GDPD2: variants seen among roughly 807,000 people sequenced by gnomAD.
The protein encoded by GDPD2 is glycerophosphodiester phosphodiesterase 3.
A neutral mutation model predicts 49.2 loss-of-function variants in GDPD2; 23 were observed. That is an observed-to-expected ratio of 0.47 (90% CI 0.34 to 0.66). The LOEUF (loss-of-function observed/expected upper bound fraction) is 0.66. Among genes scored for constraint, GDPD2 ranks in the 30% least tolerant of loss-of-function variants. GDPD2 has a pLI of 0.01. For missense variants in GDPD2, 338 were observed against 424.7 expected (o/e 0.80, Z 1.79); for synonymous variants, 167 against 171.4 (o/e 0.97, Z 0.20).
chrX:70,425,635 G>T, intron 3 of GDPD2, 128 bp from the exon 4 acceptor site: 1 of 552,244 alleles, frequency 1.8e-6, no homozygotes, highest in Non-Finnish European at 3.2e-6. Flanking sequence ...AATCCTTGGA[G>T]CCCCTGGCCA....
Position 70,426,919 on chromosome X carries a change from T to C in GDPD2, c.610T>C (p.Leu204=), listed in dbSNP as rs766556384. 6 of 1,207,963 alleles carry C rather than the reference T, an allele frequency of 5.0e-6. No individual in the cohort carries two copies. The highest frequency in any genetic ancestry group is 6.7e-6 in the Non-Finnish European group (6 of 892,071). The change falls in exon 8 of 16, where the codon TTG becomes CTG. Residue 204 remains leucine, a synonymous_variant. Coordinates refer to ENST00000374382, the MANE Select transcript of GDPD2 (RefSeq NM_017711.4). The part of the protein sequence containing the change: ...LFFGVVLVIY[L]APLCISSPCI... ...TTTTGGAGTTGTCCTGGTCATCTAC[T>C]TGGCCCCCCTATGCATCTCCTCACC...
chrX:70,425,243 C>A (rs1469481355), intron 2 of GDPD2, 111 bp from the exon 3 acceptor site: 1 of 671,034 alleles, frequency 1.5e-6, no homozygotes, highest in Non-Finnish European at 2.4e-6. Context: ...AGCTGCCCCC[C>A]GAGCAGAGCA....
rs1026885137 is a variant in GDPD2 at position 70,433,158 on chromosome X, G to A, written c.*72G>A. The A allele has an allele frequency of 1.2e-6, 1 of 857,846 alleles. No homozygotes were observed. The highest frequency in any genetic ancestry group is 1.7e-6 in the Non-Finnish European group (1 of 584,759). 70.7% of individuals were successfully genotyped at this position (857,846 alleles called of 1,213,427 possible). On this transcript the variant is annotated 3_prime_UTR_variant, in exon 16 of 16. Transcript: ENST00000374382. ...CAGCAAGGGTTGGAGAGTGGCTTAA[G>A]TGGAATGCTTCAGGGGTGGTGGGTT...
chrX:70,426,333 A>C, intron 5 of GDPD2, 38 bp from the exon 6 acceptor site: 1 of 1,150,578 alleles, frequency 8.7e-7, no homozygotes, highest in Non-Finnish European at 1.2e-6. Context: ...CATGAGCCCA[A>C]ATTGACCAAG....
intron 12 of GDPD2, chrX:70,431,082 C>A (rs1366568256): frequency 6.2e-6 from 7 of 1,134,332 alleles, no homozygotes; most frequent in African/African-American, 3.6e-5. Flanking sequence ...GCCACTGCCC[C>A]CCTCAGCCTC....
intron 12 of GDPD2, among the ~76,000 whole-genome samples, chrX:70,432,076 C>T (rs1276680023): frequency 8.9e-6 from 1 of 111,838 alleles, no homozygotes; most frequent in African/African-American, 3.3e-5. Flanking sequence ...AGGGGAGAGA[C>T]ACATTGTGTG....
chrX:70,432,267 T>C, intron 12 of GDPD2, 40 bp from the exon 13 acceptor site: 2 of 1,165,246 alleles, frequency 1.7e-6, no homozygotes, highest in Non-Finnish European at 2.3e-6. Context: ...CTGTGCACCA[T>C]GATTCTGGAC....
At chrX:70,423,866 T>A (rs1356166016) in intron 1 of GDPD2, among the ~76,000 whole-genome samples, 2 of 111,394 alleles carry the variant, frequency 1.8e-5, no homozygotes, top group Non-Finnish European at 3.8e-5. Context: ...GGGAGAGCTC[T>A]GAGGACAAGA....
rs145009238 is a variant in GDPD2, at chrX:70,426,066, C to T, written c.318C>T (p.Leu106=). Residue 106 remains leucine, a synonymous_variant, in exon 5 of 16, where the codon CTC becomes CTT. Coordinates refer to ENST00000374382, the MANE Select transcript of GDPD2 (RefSeq NM_017711.4). ...TCTTCCTCTAGGTCCTGGCCCTGCTCCTGCGGCTTTGTAGACAGCCCCTGC... is the reference window on the plus strand; with the variant it reads ...TCTTCCTCTAGGTCCTGGCCCTGCTTCTGCGGCTTTGTAGACAGCCCCTGC... ...YASLLLVLAL[L]LRLCRQPLHL... The T allele has an allele frequency of 1.7e-6, 2 of 1,208,983 alleles. No homozygotes were observed. Among genetic ancestry groups the T allele is most frequent in the African/African-American group, 3.5e-5 (2 of 57,812 alleles).
At chrX:70,424,448 C>A (rs1569258372) in intron 1 of GDPD2, among the ~76,000 whole-genome samples, 1 of 112,015 alleles carries the variant, frequency 8.9e-6, no homozygotes, top group Non-Finnish European at 1.9e-5. Flanking sequence ...AACTGGCCAA[C>A]TAGCTGGGCC....
Position 70,429,695 on chromosome X carries a change from C to A in GDPD2, c.1139C>A (p.Ala380Glu). The A allele has an allele frequency of 8.3e-7, 1 of 1,200,419 alleles. No homozygotes were observed. Among genetic ancestry groups the A allele is most frequent in the Non-Finnish European group, 1.1e-6 (1 of 885,662 alleles). ...CAGACATTGGAGACTGTGCTGAATG[C>A]AAGGGTGCCCCAAGCCATGGTGATG... ...VIQTLETVLN[A>E]RVPQAMVFWL... is the part of the protein sequence containing the mutation. The change falls in exon 11 of 16, where the codon GCA becomes GAA. Residue 380 changes from alanine to glutamate, a missense_variant. Transcript: ENST00000374382.
chrX:70,430,980 G>T (rs2086471168), intron 12 of GDPD2: 2 of 428,605 alleles, frequency 4.7e-6, no homozygotes, highest in African/African-American at 2.7e-5. Context: ...TTAGAGACAG[G>T]TTCCTACTAC....
At position 70,427,011 on chromosome X, in the gene GDPD2, G is replaced by A. The variant is rs1356872913; in HGVS notation, c.702G>A (p.Met234Ile). The A allele has an allele frequency of 1.7e-6, 2 of 1,207,198 alleles. No individual in the cohort carries two copies. Among genetic ancestry groups the A allele is most frequent in the Non-Finnish European group, 2.2e-6 (2 of 893,085 alleles). Residue 234 changes from methionine (M) to isoleucine (I), a missense_variant and splice_region_variant, in exon 8 of 16, where the codon ATG becomes ATA. Around this residue, in one of 3 missense-constraint regions of GDPD2, gnomAD observed 253 missense variants for 330.4 expected, o/e 0.77. Transcript: ENST00000374382. ...TGGTGGGACACCGAGGGGCCCCCAT[G>A]GTGAGTGTTGGACAGAATGCTGGGA... Reference protein sequence around the residue: ...PGLVGHRGAPMLAPENTLMSL... With the variant: ...PGLVGHRGAPILAPENTLMSL...
At chrX:70,425,635 G>A (rs927188022) in intron 3 of GDPD2, 128 bp from the exon 4 acceptor site, 24 of 549,679 alleles carry the variant, frequency 4.4e-5, no homozygotes, top group Non-Finnish European at 7.8e-5. Context: ...AATCCTTGGA[G>A]CCCCTGGCCA....
In GDPD2 at chrX:70,433,116, A is replaced by G. The variant is rs1459825029; in HGVS notation, c.*30A>G. 1 of 1,103,570 alleles carries G rather than the reference A, an allele frequency of 9.1e-7. No homozygotes were observed. Among genetic ancestry groups the G allele is most frequent in the Non-Finnish European group, 1.2e-6 (1 of 800,114 alleles). The allele number at this position is 1,103,570 out of a possible 1,213,427, so 90.9% of individuals were successfully genotyped here. ...CCTGCCCTGCTTCCCCACCCAAGCC[A>G]GTCTACATTGCCCAAACAGCAAGGG... is the stretch of plus-strand genomic sequence containing the variant. On this transcript the variant is annotated 3_prime_UTR_variant, in exon 16 of 16. Transcript: ENST00000374382.
chrX:70,425,633 G>T, intron 3 of GDPD2, 130 bp from the exon 4 acceptor site: 1 of 550,910 alleles, frequency 1.8e-6, no homozygotes, highest in East Asian at 3.4e-5. Context: ...TCAATCCTTG[G>T]AGCCCCTGGC....
Position 70,433,232 on chromosome X carries a change from C to A in GDPD2, c.*146C>A. 1 of 487,027 alleles carries A rather than the reference C, an allele frequency of 2.1e-6. No homozygotes were observed. Among genetic ancestry groups the A allele is most frequent in the Admixed American group, 2.9e-5 (1 of 34,256 alleles). The allele number at this position is 487,027 out of a possible 1,213,427, so 40.1% of individuals were successfully genotyped here. A position where few individuals can be genotyped will look rare whatever the true frequency, so the allele number is the denominator to read the frequency against. On this transcript the variant is annotated 3_prime_UTR_variant, in exon 16 of 16. Coordinates refer to ENST00000374382, the MANE Select transcript of GDPD2 (RefSeq NM_017711.4). Reference sequence around the variant, plus strand: ...CAGGAGGTTTTGAACCATGAGGGCCCTCTGCCCAGGTGATGGGCATTCCCT... The same window carrying A: ...CAGGAGGTTTTGAACCATGAGGGCCATCTGCCCAGGTGATGGGCATTCCCT...
At position 70,426,365 on chromosome X, in the gene GDPD2, C is replaced by T. The variant is rs2086424114; in HGVS notation, c.364-6C>T. 8.3e-7 allele frequency: 1 copy of T among 1,207,430 alleles called. No homozygotes were observed. Among genetic ancestry groups the T allele is most frequent in the African/African-American group, 1.7e-5 (1 of 57,307 alleles). On this transcript the variant is annotated splice_region_variant and splice_polypyrimidine_tract_variant and intron_variant, in intron 5 of 15. Coordinates refer to ENST00000374382, the MANE Select transcript of GDPD2 (RefSeq NM_017711.4). ...CAAGAGGCCTCATTCATCCCTGGCC[C>T]CCCAGGTGCTGCTGCTCCTCATTAT...
At chrX:70,430,654 C>T (rs2086467648) in intron 12 of GDPD2, among the ~76,000 whole-genome samples, 2 of 111,569 alleles carry the variant, frequency 1.8e-5, no homozygotes, top group Admixed American at 9.5e-5. Context: ...TGAGCTGAGC[C>T]CCAGAAGCTG....
Sources: gnomAD v4.1 joint callset for allele counts (sites outside exome capture counted in the v4.1 genomes callset) on GRCh38, gnomAD v4.1.1 for gene constraint, gnomAD v4.1.1 regional missense constraint, MANE v1.5 for transcripts, NCBI Gene and HGNC (gene_info 2026-07-23, HGNC 2026-07-21) for gene names.